Variants in PTPN12 observed in about 807,000 individuals in gnomAD.
PTPN12 encodes the protein tyrosine-protein phosphatase non-receptor type 12.
A neutral mutation model predicts 97.6 loss-of-function variants in PTPN12; 29 were observed. That is an observed-to-expected ratio of 0.30 (90% CI 0.22 to 0.41). PTPN12 has a LOEUF of 0.41. Ranked by LOEUF, PTPN12 falls within the 10% of genes least tolerant of loss-of-function variation. The pLI, the probability that PTPN12 is intolerant of heterozygous loss-of-function variation, is 1.00. For missense variants in PTPN12, 819 were observed against 926.0 expected, an observed-to-expected ratio of 0.88 and a Z score of 1.50; for synonymous variants, 327 against 300.4, an observed-to-expected ratio of 1.09 and a Z score of -0.91.
At chr7:77,543,865 G>A (rs921648898) in intron 1 of PTPN12, among the ~76,000 whole-genome samples, 1 of 152,160 alleles carries the variant, frequency 6.6e-6, no homozygotes, top group Admixed American at 6.5e-5. Context: ...TTTTATGGCT[G>A]AATAATATTC....
intron 8 of PTPN12, chr7:77,606,824 T>C (rs757642220): frequency 9.8e-5 from 16 of 163,854 alleles, no homozygotes; most frequent in Non-Finnish European, 2.0e-4. Flanking sequence ...ATACTGCAGT[T>C]ACCAGATGGA....
At chr7:77,551,423 C>T (rs1271255526) in intron 1 of PTPN12, among the ~76,000 whole-genome samples, 2 of 152,194 alleles carry the variant, frequency 1.3e-5, no homozygotes, top group Non-Finnish European at 2.9e-5. Context: ...AACTGAGTGG[C>T]AATTTGTTCA....
intron 14 of PTPN12, among the ~76,000 whole-genome samples, chr7:77,635,176 G>A (rs1158576099): frequency 6.6e-6 from 1 of 152,214 alleles, no homozygotes; most frequent in African/African-American, 2.4e-5. Context: ...TGTGATCCCA[G>A]CACTTTGGGA....
intron 4 of PTPN12, 39 bp from the exon 5 acceptor site, chr7:77,585,504 G>T: frequency 6.4e-7 from 1 of 1,557,258 alleles, no homozygotes; most frequent in South Asian, 1.1e-5. Context: ...GTGTTTAACT[G>T]ATACGTTCTT....
At chr7:77,606,996 A>G (rs1788397615) in intron 8 of PTPN12, 1 of 278,824 alleles carries the variant, frequency 3.6e-6, no homozygotes, top group Non-Finnish European at 6.7e-6. Flanking sequence ...TGATTTATAA[A>G]TTAAACTTTA....
Position 77,603,213 on chromosome 7 carries a change from G to T in PTPN12, c.695+2407G>T, listed in dbSNP as rs1018848421. Among the ~76,000 whole-genome samples the T allele has an allele frequency of 1.1e-4, 17 of 152,096 alleles. No individual in the cohort carries two copies. In the East Asian group the frequency reaches 2.9e-3, roughly 26 times the overall value. Reference sequence around the variant, plus strand: ...TTTAATTATAGAATTAAAAGATAAAGAAATTGCTTTCACTTTGACTTCTTA... The same window carrying T: ...TTTAATTATAGAATTAAAAGATAAATAAATTGCTTTCACTTTGACTTCTTA... On this transcript the variant is annotated intron_variant, in intron 8 of 17. Transcript: ENST00000248594.
In PTPN12 at chr7:77,537,514, G is replaced by A. The variant is rs534701774; in HGVS notation, c.-33G>A. 6 of 1,562,406 alleles carry A rather than the reference G, an allele frequency of 3.8e-6. 1 individual carries two copies. The South Asian group carries it at 7.0e-5, about 18-fold the overall frequency. On this transcript the variant is annotated 5_prime_UTR_variant, in exon 1 of 18. Transcript: ENST00000248594. ...GTGCCGGGCGGGCGGGCGGCGGGGGGGCCAGCGACCGCAGCCGGGGGGACG... is the reference window on the plus strand; with the variant it reads ...GTGCCGGGCGGGCGGGCGGCGGGGGAGCCAGCGACCGCAGCCGGGGGGACG...
intron 5 of PTPN12, among the ~76,000 whole-genome samples, chr7:77,586,600 A>G (rs986120516): frequency 2.6e-5 from 4 of 152,146 alleles, no homozygotes; most frequent in Admixed American, 2.6e-4. Flanking sequence ...AAAATAAGAA[A>G]CAGTGAAGTT....
At chr7:77,617,394 A>G (rs1266187581) in intron 11 of PTPN12, among the ~76,000 whole-genome samples, 2 of 152,206 alleles carry the variant, frequency 1.3e-5, no homozygotes, top group African/African-American at 4.8e-5. Context: ...AGTGATATGT[A>G]TAAAACTATT....
At chr7:77,615,450 A>T (rs898119720) in intron 11 of PTPN12, among the ~76,000 whole-genome samples, 2 of 146,232 alleles carry the variant, frequency 1.4e-5, no homozygotes, top group African/African-American at 5.6e-5. Context: ...GTTTAAAACA[A>T]GAGAACACAG....
intron 2 of PTPN12, among the ~76,000 whole-genome samples, chr7:77,573,795 C>T (rs1195797276): frequency 1.3e-5 from 2 of 152,184 alleles, no homozygotes; most frequent in African/African-American, 4.8e-5. Flanking sequence ...GTGTCTTGCT[C>T]TGTTGCCCAG....
chr7:77,569,879 G>A (rs1287618967), intron 1 of PTPN12, among the ~76,000 whole-genome samples: 1 of 152,184 alleles, frequency 6.6e-6, no homozygotes, highest in East Asian at 1.9e-4. Context: ...TTCAGAGACA[G>A]GGTCTTGCAT....
In PTPN12 at chr7:77,545,046, C is replaced by T. The variant is rs113711987; in HGVS notation, c.99+7401C>T. On this transcript the variant is annotated intron_variant, in intron 1 of 17. Coordinates refer to ENST00000248594, the MANE Select transcript of PTPN12 (RefSeq NM_002835.4). ...TAAATAAATATGATTTTATTAGCTGCAGTTTCTTAAGGTAACTTCTGTATT... is the reference window on the plus strand; with the variant it reads ...TAAATAAATATGATTTTATTAGCTGTAGTTTCTTAAGGTAACTTCTGTATT... Among the ~76,000 whole-genome samples, 4 of 152,342 alleles carry T rather than the reference C, an allele frequency of 2.6e-5. 1 individual carries two copies. The highest frequency in any genetic ancestry group is 9.6e-5 in the African/African-American group (4 of 41,578).
chr7:77,603,784 A>T (rs756185337), intron 8 of PTPN12, among the ~76,000 whole-genome samples: 8 of 151,728 alleles, frequency 5.3e-5, no homozygotes, highest in African/African-American at 7.3e-5. Context: ...TTAATGTGTT[A>T]TCCAGAAAAT....
intron 9 of PTPN12, among the ~76,000 whole-genome samples, chr7:77,609,811 G>A (rs1788503828): frequency 6.6e-6 from 1 of 151,660 alleles, no homozygotes; most frequent in Non-Finnish European, 1.5e-5. Flanking sequence ...AACCCGGGAG[G>A]CGGAGCTTGC....
chr7:77,636,677 T>C (rs1302621687), intron 15 of PTPN12: 1 of 182,288 alleles, frequency 5.5e-6, no homozygotes, highest in Admixed American at 5.8e-5. Context: ...GAAATTTAGC[T>C]ACATCTTATA....
intron 5 of PTPN12, among the ~76,000 whole-genome samples, chr7:77,586,637 A>G (rs559130048): frequency 5.1e-4 from 78 of 152,342 alleles, no homozygotes; most frequent in Non-Finnish European, 8.8e-4. Flanking sequence ...TCTTCCTTTC[A>G]TGAAAGATTG....
intron 11 of PTPN12, among the ~76,000 whole-genome samples, chr7:77,612,806 A>G (rs1198594184): frequency 2.1e-5 from 3 of 143,602 alleles, no homozygotes; most frequent in East Asian, 4.2e-4. Context: ...TTTTTTTTTG[A>G]TGACGAAGTC....
At chr7:77,633,375 C>G (rs115698088) in intron 14 of PTPN12, among the ~76,000 whole-genome samples, 3,625 of 152,046 alleles carry the variant, frequency 0.024, 154 homozygotes, top group African/African-American at 0.083. Context: ...TTTGGGAGAC[C>G]AAGGCGGGCA....
Sources: allele counts gnomAD v4.1 joint callset (sites outside exome capture counted in the v4.1 genomes callset), GRCh38; gene constraint gnomAD v4.1.1; transcripts MANE v1.5; gene names NCBI Gene and HGNC (gene_info 2026-07-23, HGNC 2026-07-21).